The following EDAR variants were observed in gnomAD, a reference collection of about 807,000 sequenced individuals.
EDAR encodes the protein ectodysplasin A receptor.
Under a neutral mutation model 51.3 loss-of-function variants are expected in EDAR, and 38 were observed. That is an observed-to-expected ratio of 0.74 (90% CI 0.57 to 0.97). The LOEUF (loss-of-function observed/expected upper bound fraction) is 0.97. EDAR is among the 50% of genes least tolerant of loss of function. The probability of loss-of-function intolerance (pLI) is 0.00; values close to 1 mark genes in which losing one functional copy is unlikely to be tolerated. For synonymous variants in EDAR, 227 were observed against 242.1 expected, an observed-to-expected ratio of 0.94 and a Z score of 0.58; for missense variants, 528 against 595.0, an observed-to-expected ratio of 0.89 and a Z score of 1.17.
chr2:108,974,587 G>A (rs1168655580), intron 1 of EDAR, among the ~76,000 whole-genome samples: 1 of 151,868 alleles, frequency 6.6e-6, no homozygotes, highest in Non-Finnish European at 1.5e-5. Flanking sequence ...AAAATTAGCT[G>A]GGCATGGTGG....
rs779487722 is a variant in EDAR, at chr2:108,906,314, C to G, written c.1018G>C (p.Val340Leu). 29 of 1,614,076 alleles carry G rather than the reference C, an allele frequency of 1.8e-5. No homozygotes were observed. The South Asian group carries it at 2.9e-4, about 16-fold the overall frequency. Reference protein sequence around the residue: ...LDVYANVCGVVEGLSPTELPF... With the variant: ...LDVYANVCGVLEGLSPTELPF... ...GGCTTTTTTTTCAGCTTACCTTCCACGACTCCACACACGTTGGCATACACA... is the reference window on the plus strand; with the variant it reads ...GGCTTTTTTTTCAGCTTACCTTCCAGGACTCCACACACGTTGGCATACACA... Residue 340 changes from valine (V) to leucine (L), a missense_variant, in exon 11 of 12, where the codon GTG (valine) becomes CTG (leucine). Val to Leu is a conservative substitution (Grantham distance 32, BLOSUM62 1). Coordinates refer to ENST00000258443, the MANE Select transcript of EDAR (RefSeq NM_022336.4).
intron 11 of EDAR, among the ~76,000 whole-genome samples, chr2:108,900,845 C>T (rs190969055): frequency 6.6e-6 from 1 of 152,214 alleles, no homozygotes; most frequent in Admixed American, 6.5e-5. Context: ...TCCAAGAAGA[C>T]ATAGCAATCC....
intron 1 of EDAR, among the ~76,000 whole-genome samples, chr2:108,952,792 C>T (rs899213938): frequency 6.6e-6 from 1 of 152,186 alleles, no homozygotes; most frequent in Non-Finnish European, 1.5e-5. Flanking sequence ...ATATGCCAGA[C>T]ATCGTAATGA....
At chr2:108,899,627 CAG>C (rs1674747605) in intron 11 of EDAR, among the ~76,000 whole-genome samples, 1 of 152,138 alleles carries the variant, frequency 6.6e-6, no homozygotes, top group African/African-American at 2.4e-5. Flanking sequence ...CTACTGTAAA[CAG>C]AGAAGGTAAA....
intron 11 of EDAR, among the ~76,000 whole-genome samples, chr2:108,898,045 C>CA (rs1301496274): frequency 6.6e-6 from 1 of 152,162 alleles, no homozygotes; most frequent in Non-Finnish European, 1.5e-5. Context: ...ACAGCCCCAA[C>CA]AAAAGTCTTC....
rs747671632 is a variant in EDAR, at chr2:108,930,120, C to G, written c.174G>C (p.Leu58=). 1 of 1,613,284 alleles carries G rather than the reference C, an allele frequency of 6.2e-7. No homozygotes were observed. Among genetic ancestry groups the G allele is most frequent in the South Asian group, 1.1e-5 (1 of 91,002 alleles). The change falls in exon 3 of 12, where the codon CTG becomes CTC. Residue 58 remains leucine (L), a splice_region_variant and synonymous_variant. Transcript: ENST00000258443. The part of the protein sequence containing the change: ...PPCGPGEEPY[L]SCGYGTKDED... ...GGCTCCAGGAGGGCTGGGTCCTTACCAGGTAGGGCTCCTCTCCCGGCCCAC... is the reference window on the plus strand; with the variant it reads ...GGCTCCAGGAGGGCTGGGTCCTTACGAGGTAGGGCTCCTCTCCCGGCCCAC...
At chr2:108,937,187 T>C (rs904583767) in intron 1 of EDAR, among the ~76,000 whole-genome samples, 2 of 152,254 alleles carry the variant, frequency 1.3e-5, no homozygotes, top group Non-Finnish European at 2.9e-5. Flanking sequence ...TGGGGGTTTA[T>C]AAGCAGCCAC....
chr2:108,973,988 C>A (rs527452995), intron 1 of EDAR, among the ~76,000 whole-genome samples: 1 of 152,262 alleles, frequency 6.6e-6, no homozygotes, highest in South Asian at 2.1e-4. Context: ...GAGAGTAAGA[C>A]CATCCTGTCC....
intron 1 of EDAR, among the ~76,000 whole-genome samples, chr2:108,949,752 C>T (rs1697787694): frequency 6.6e-6 from 1 of 152,142 alleles, no homozygotes; most frequent in Non-Finnish European, 1.5e-5. Flanking sequence ...CTTATTTCTT[C>T]TCAAACTCCA....
intron 5 of EDAR, among the ~76,000 whole-genome samples, 184 bp from the exon 6 acceptor site, chr2:108,912,948 CTT>C (rs373117728): frequency 3.4e-4 from 47 of 139,022 alleles, no homozygotes; most frequent in Admixed American, 3.6e-4. Flanking sequence ...CGTTATTGTT[CTT>C]TTTTTTTTTT....
At chr2:108,940,211 G>C (rs260709) in intron 1 of EDAR, 40,765 of 152,286 alleles carry the variant, frequency 0.27, 8,635 homozygotes, top group East Asian at 0.94. Flanking sequence ...CCATTATTAC[G>C]TGTCCCGAGG....
chr2:108,903,323 A>G (rs530042931), intron 11 of EDAR, among the ~76,000 whole-genome samples: 1 of 152,186 alleles, frequency 6.6e-6, no homozygotes, highest in Non-Finnish European at 1.5e-5. Flanking sequence ...TCCCAGATTG[A>G]TATACAGTTT....
intron 1 of EDAR, among the ~76,000 whole-genome samples, chr2:108,976,104 C>T (rs1192142342): frequency 6.6e-6 from 1 of 152,144 alleles, no homozygotes; most frequent in Non-Finnish European, 1.5e-5. Context: ...CTTCAGATGT[C>T]CTTAGTTTTC....
At chr2:108,945,055 G>A (rs929319214) in intron 1 of EDAR, among the ~76,000 whole-genome samples, 5 of 152,168 alleles carry the variant, frequency 3.3e-5, no homozygotes, top group African/African-American at 1.2e-4. Flanking sequence ...GCATTGTACA[G>A]TCTGGTGCTT....
intron 11 of EDAR, among the ~76,000 whole-genome samples, chr2:108,897,484 A>G (rs1198918467): frequency 6.6e-6 from 1 of 152,194 alleles, no homozygotes; most frequent in Non-Finnish European, 1.5e-5. Context: ...AATGACTGCT[A>G]TATTGACAAT....
At chr2:108,910,438 G>A in intron 9 of EDAR, 22 bp downstream of exon 9, 1 of 1,602,784 alleles carries the variant, frequency 6.2e-7, no homozygotes, top group Non-Finnish European at 8.5e-7. Context: ...GCTTCAGCTT[G>A]GTGCTGGGGG....
At chr2:108,923,768 G>A (rs1432926353) in intron 4 of EDAR, among the ~76,000 whole-genome samples, 1 of 152,184 alleles carries the variant, frequency 6.6e-6, no homozygotes, top group Non-Finnish European at 1.5e-5. Context: ...ATATCCCTGT[G>A]CCCCCACATG....
intron 11 of EDAR, among the ~76,000 whole-genome samples, chr2:108,899,831 CAAAA>C (rs1696666565): frequency 6.6e-6 from 1 of 151,942 alleles, no homozygotes; most frequent in African/African-American, 2.4e-5. Flanking sequence ...ACTAAAAACA[CAAAA>C]AACACATTGG....
At chr2:108,937,059 G>A (rs1165928051) in intron 1 of EDAR, among the ~76,000 whole-genome samples, 1 of 152,242 alleles carries the variant, frequency 6.6e-6, no homozygotes, top group Non-Finnish European at 1.5e-5. Context: ...CAGGCCAAAC[G>A]TCTTGGCAAG....
Sources: allele counts gnomAD v4.1 joint callset (sites outside exome capture counted in the v4.1 genomes callset), GRCh38; gene constraint gnomAD v4.1.1; transcripts MANE v1.5; gene names NCBI Gene and HGNC (gene_info 2026-07-23, HGNC 2026-07-21).